The following SCNN1D variants were observed in gnomAD, a reference collection of about 807,000 sequenced individuals.
SCNN1D encodes sodium channel epithelial 1 subunit delta.
In SCNN1D, 104 loss-of-function variants were observed where a neutral mutation model predicts 87.8. That is an observed-to-expected ratio of 1.18 (90% confidence interval 1.01 to 1.39). The LOEUF is 1.39. Ranked by LOEUF, SCNN1D falls within the 40% of genes most tolerant of loss-of-function variation. The pLI, the probability that SCNN1D is intolerant of heterozygous loss-of-function variation, is 0.00. For missense variants in SCNN1D, 1,324 were observed against 1,093.9 expected, an observed-to-expected ratio of 1.21 and a Z score of -2.97; for synonymous variants, 628 against 481.2, an observed-to-expected ratio of 1.31 and a Z score of -3.99.
Position 1,286,907 on chromosome 1 carries a change from C to T in SCNN1D, c.1051C>T (p.Leu351=). 3 of 1,612,584 alleles carry T rather than the reference C, an allele frequency of 1.9e-6. No homozygotes were observed. The highest frequency in any genetic ancestry group is 2.5e-6 in the Non-Finnish European group (3 of 1,179,878). The change falls in exon 8 of 18, where the codon CTG becomes TTG. Residue 351 remains leucine, a synonymous_variant. Transcript: ENST00000379116. ...TVPRHEPPFH[L]DREIRLQRLS... ...CCCCCGCCACGAGCCCCCCTTCCAC[C>T]TGGACCGGGAGATCCGTCTGCAGAG...
rs763301710 is a variant in SCNN1D at position 1,291,646 on chromosome 1, G to A, written c.*36G>A. On this transcript the variant is annotated 3_prime_UTR_variant, in exon 18 of 18. Coordinates refer to ENST00000379116, the MANE Select transcript of SCNN1D (RefSeq NM_001130413.4). ...CCAGGGCTGTGCGATCTCTTGGCCT[G>A]GTCCTTGCAGCTGTGGCAGCAGCAG... is the stretch of plus-strand genomic sequence containing the variant. 22 of 1,443,284 alleles carry A rather than the reference G, an allele frequency of 1.5e-5. No individual in the cohort carries two copies. Among genetic ancestry groups the A allele is most frequent in the Admixed American group, 2.5e-5 (1 of 40,700 alleles). 89.4% of individuals were successfully genotyped at this position (1,443,284 alleles called of 1,614,324 possible).
At chr1:1,288,356 T>TCTGCTCCGTCCCGTGTCC (rs1427396931) in intron 12 of SCNN1D, among the ~76,000 whole-genome samples, 1 of 49,344 alleles carries the variant, frequency 2.0e-5, no homozygotes, top group Admixed American at 2.3e-4. Flanking sequence ...CCCCCGTGTC[T>TCTGCTCCGTCCCGTGTCC]CTGCTCCGTC....
At chr1:1,282,074 C>A (rs1640481176) in intron 3 of SCNN1D, 168 bp from the exon 4 acceptor site, 2 of 620,036 alleles carry the variant, frequency 3.2e-6, no homozygotes, top group Admixed American at 2.8e-5. Flanking sequence ...TGTGCTGTGT[C>A]CGGGGGCCCT....
chr1:1,281,693 T>C (rs1640474960), intron 3 of SCNN1D, 83 bp downstream of exon 3: 2 of 1,300,472 alleles, frequency 1.5e-6, no homozygotes, highest in South Asian at 1.4e-5. Context: ...CCAGCCGAGA[T>C]GTGCTCTGAC....
chr1:1,285,955 G>T lies in SCNN1D; in HGVS notation c.588G>T (p.Gly196=). 6.4e-7 allele frequency: 1 copy of T among 1,557,962 alleles called. No individual in the cohort carries two copies. The highest frequency in any genetic ancestry group is 8.7e-7 in the Non-Finnish European group (1 of 1,149,484). Residue 196 remains glycine (G), a synonymous_variant, in exon 7 of 18, where the codon GGG becomes GGT. Coordinates refer to ENST00000379116, the MANE Select transcript of SCNN1D (RefSeq NM_001130413.4). ...CAGCCCAGACGCCCCCCAGGCCGGG[G>T]CCACCATCAGCACCACCACCACCAC... The part of the protein sequence containing the change: ...QAAAQTPPRP[G]PPSAPPPPPK...
rs1032630179 is a variant in SCNN1D at position 1,287,832 on chromosome 1, G to A, written c.1559G>A (p.Arg520Gln). 19 of 1,546,916 alleles carry A rather than the reference G, an allele frequency of 1.2e-5. No individual in the cohort carries two copies. The highest frequency in any genetic ancestry group is 4.1e-5 in the African/African-American group (3 of 73,234). The change falls in exon 11 of 18, where the codon CGA becomes CAA. Residue 520 changes from arginine to glutamine, a missense_variant. Transcript: ENST00000379116. ...RPGTEATISI[R>Q]EDEVHRLGSP... ...GGGACGGAGGCCACCATCAGCATCCGAGAGGTGAGCTGGCCTCTGCAGCCA... is the reference window on the plus strand; with the variant it reads ...GGGACGGAGGCCACCATCAGCATCCAAGAGGTGAGCTGGCCTCTGCAGCCA...
rs770112863 is a variant in SCNN1D at position 1,288,017 on chromosome 1, A to G, written c.1642A>G (p.Asn548Asp). ...GEGVEVELLH[N>D]TSYTRQACLV... ...AGGCGTGGAGGTGGAGCTGCTACAC[A>G]ACACCTCCTACACCAGGCAGGTGAG... is the stretch of plus-strand genomic sequence containing the variant. Residue 548 changes from asparagine to aspartate, a missense_variant, in exon 12 of 18, where the codon AAC becomes GAC. Physicochemically the swap from Asn to Asp is conservative, Grantham distance 23. Transcript: ENST00000379116. 1.8e-5 allele frequency: 27 copies of G among 1,540,648 alleles called. No homozygotes were observed. Among genetic ancestry groups the G allele is most frequent in the Non-Finnish European group, 2.1e-5 (24 of 1,143,346 alleles).
rs369352820 is a variant in SCNN1D at position 1,287,106 on chromosome 1, C to T, written c.1120-3C>T. 16 of 1,589,230 alleles carry T rather than the reference C, an allele frequency of 1.0e-5. No homozygotes were observed. The African/African-American group carries it at 2.1e-4, about 21-fold the overall frequency. On this transcript the variant is annotated splice_polypyrimidine_tract_variant and splice_region_variant and intron_variant, in intron 8 of 17. Transcript: ENST00000379116. ...AGAGCTGACCCTCCCTCCCCTCTCC[C>T]AGTGCAACAGCACGGGCGGCGACTG...
At chr1:1,284,791 T>C (rs992391737) in intron 5 of SCNN1D, among the ~76,000 whole-genome samples, 6 of 152,048 alleles carry the variant, frequency 3.9e-5, no homozygotes, top group Non-Finnish European at 8.8e-5. Flanking sequence ...GCCAGTGTAG[T>C]CCTGTCTCAC....
chr1:1,288,089 G>GGTGAGGCTGGGCTGGCAT, intron 12 of SCNN1D, 52 bp downstream of exon 12: 1 of 1,289,648 alleles, frequency 7.8e-7, no homozygotes. Flanking sequence ...GGGCTGGCCA[G>GGTGAGGCTGGGCTGGCAT]GGGGTGTGGG....
At chr1:1,290,451 A>C in intron 13 of SCNN1D, 26 bp from the exon 14 acceptor site, 1 of 1,612,134 alleles carries the variant, frequency 6.2e-7, no homozygotes, top group Non-Finnish European at 8.5e-7. Flanking sequence ...AGCGAGCCTC[A>C]CACATGCCTC....
rs1015023529 is a variant in SCNN1D at position 1,291,779 on chromosome 1, C to T, written c.*169C>T. On this transcript the variant is annotated 3_prime_UTR_variant, in exon 18 of 18. Coordinates refer to ENST00000379116, the MANE Select transcript of SCNN1D (RefSeq NM_001130413.4). ...TCGGCGCCTCTGGTCAAACCACCTACACTGCCTGGGGTGGGTCTCAAGGAG... is the reference window on the plus strand; with the variant it reads ...TCGGCGCCTCTGGTCAAACCACCTATACTGCCTGGGGTGGGTCTCAAGGAG... The T allele has an allele frequency of 2.7e-5, 14 of 518,984 alleles. No homozygotes were observed. The highest frequency in any genetic ancestry group is 2.7e-5 in the Non-Finnish European group (8 of 301,696). 32.1% of individuals were successfully genotyped at this position (518,984 alleles called of 1,614,324 possible). A position where few individuals can be genotyped will look rare whatever the true frequency, so the allele number is the denominator to read the frequency against.
intron 5 of SCNN1D, 59 bp from the exon 6 acceptor site, chr1:1,285,512 C>T: frequency 8.2e-7 from 1 of 1,217,316 alleles, no homozygotes; most frequent in African/African-American, 1.6e-5. Flanking sequence ...AAGTCTTCCC[C>T]TGAGCCCCAG....
In SCNN1D at chr1:1,290,251, C is replaced by T. The variant is rs367729963; in HGVS notation, c.1663-20C>T. 2 of 1,525,784 alleles carry T rather than the reference C, an allele frequency of 1.3e-6. No individual in the cohort carries two copies. The highest frequency in any genetic ancestry group is 1.8e-6 in the Non-Finnish European group (2 of 1,131,518). 94.5% of individuals were successfully genotyped at this position (1,525,784 alleles called of 1,614,324 possible). Reference sequence around the variant, plus strand: ...GTCTCCGCTCCATCCCATGTCCCTGCTCATCCCCCCTGTCCCCAGGCCTGC... The same window carrying T: ...GTCTCCGCTCCATCCCATGTCCCTGTTCATCCCCCCTGTCCCCAGGCCTGC... On this transcript the variant is annotated intron_variant, in intron 12 of 17. Coordinates refer to ENST00000379116, the MANE Select transcript of SCNN1D (RefSeq NM_001130413.4).
At position 1,287,306 on chromosome 1, in the gene SCNN1D, G is replaced by T; in HGVS notation, c.1310+7G>T. The T allele has an allele frequency of 6.4e-7, 1 of 1,572,106 alleles. No individual in the cohort carries two copies. Reference sequence around the variant, plus strand: ...GCCTGGACTGCCAGGCCCGGTGAGTGTGGCGGGCGGGGGCCACTCCTTCCG... The same window carrying T: ...GCCTGGACTGCCAGGCCCGGTGAGTTTGGCGGGCGGGGGCCACTCCTTCCG... On this transcript the variant is annotated splice_region_variant and intron_variant, in intron 9 of 17. Coordinates refer to ENST00000379116, the MANE Select transcript of SCNN1D (RefSeq NM_001130413.4).
chr1:1,287,464 C>T (rs180999821), intron 9 of SCNN1D, 44 bp from the exon 10 acceptor site: 176 of 1,505,540 alleles, frequency 1.2e-4, no homozygotes, highest in East Asian at 9.1e-4. Flanking sequence ...GTGACGGGCG[C>T]GGGCAGCCGA....
chr1:1,284,037 C>CG lies in SCNN1D; in HGVS notation c.412dup (p.Glu138GlyfsTer135). The CG allele has an allele frequency of 7.2e-7, 1 of 1,392,628 alleles. No homozygotes were observed. The highest frequency in any genetic ancestry group is 3.6e-5 in the Admixed American group (1 of 28,072). The allele number at this position is 1,392,628 out of a possible 1,614,324, so 86.3% of individuals were successfully genotyped here. A position where few individuals can be genotyped will look rare whatever the true frequency, so the allele number is the denominator to read the frequency against. On this transcript the variant is annotated frameshift_variant, in exon 5 of 18. Coordinates refer to ENST00000379116, the MANE Select transcript of SCNN1D (RefSeq NM_001130413.4). LOFTEE classifies it high-confidence loss of function. ...AGCTGCCCCCGCAATGGCTGAGCAC[C>CG]GAAGCATGGACGGGAGAATGGAAGC... is the stretch of plus-strand genomic sequence containing the variant.
intron 4 of SCNN1D, among the ~76,000 whole-genome samples, chr1:1,283,486 G>T (rs1260679641): frequency 6.6e-6 from 1 of 152,110 alleles, no homozygotes; most frequent in East Asian, 1.9e-4. Context: ...ATCACCTGAG[G>T]TTGGGAGTTT....
chr1:1,287,342 CAG>C (rs1362008038), intron 9 of SCNN1D, 43 bp downstream of exon 9: 2 of 1,521,034 alleles, frequency 1.3e-6, no homozygotes, highest in Non-Finnish European at 1.8e-6. Context: ...TCCCACCCCA[CAG>C]AGCGTGGCCG....
Sources: gnomAD v4.1 joint callset for allele counts (sites outside exome capture counted in the v4.1 genomes callset) on GRCh38, gnomAD v4.1.1 for gene constraint, MANE v1.5 for transcripts, NCBI Gene and HGNC (gene_info 2026-07-23, HGNC 2026-07-21) for gene names.